Variants in NRG3 observed in about 807,000 individuals in gnomAD.
NRG3 encodes the protein neuregulin 3.
In NRG3, 31 loss-of-function variants were observed where a neutral mutation model predicts 66.9. That is an observed-to-expected ratio of 0.46 (90% CI 0.35 to 0.63). The LOEUF is 0.63. Ranked by LOEUF, NRG3 falls within the 20% of genes least tolerant of loss-of-function variation. NRG3 has a pLI of 0.00. For synonymous variants in NRG3, 393 were observed against 359.4 expected (o/e 1.09, Z -1.06); for missense variants, 910 against 878.9 (o/e 1.04, Z -0.45).
At chr10:82,027,468 G>A (rs1048367292) in intron 1 of NRG3, among the ~76,000 whole-genome samples, 4 of 151,976 alleles carry the variant, frequency 2.6e-5, no homozygotes, top group Non-Finnish European at 5.9e-5. Flanking sequence ...TGAATTTAAG[G>A]CTTATTAACT....
At chr10:82,383,055 A>G (rs939763886) in intron 2 of NRG3, among the ~76,000 whole-genome samples, 2 of 151,966 alleles carry the variant, frequency 1.3e-5, no homozygotes, top group Admixed American at 1.3e-4. Context: ...TACCTTCAAA[A>G]AGGCCTTCAT....
intron 1 of NRG3, among the ~76,000 whole-genome samples, chr10:81,996,178 A>C (rs554007146): frequency 3.3e-5 from 5 of 152,334 alleles, no homozygotes; most frequent in Admixed American, 3.3e-4. Flanking sequence ...TCTCATGGCC[A>C]TTAGGAACAG....
At chr10:82,380,054 C>A (rs1231534358) in intron 2 of NRG3, among the ~76,000 whole-genome samples, 1 of 151,998 alleles carries the variant, frequency 6.6e-6, no homozygotes, top group Non-Finnish European at 1.5e-5. Flanking sequence ...ATTCCTCAAT[C>A]CTCCTCACCA....
intron 1 of NRG3, among the ~76,000 whole-genome samples, chr10:82,293,220 G>A (rs1371305859): frequency 6.6e-6 from 1 of 152,048 alleles, no homozygotes; most frequent in Non-Finnish European, 1.5e-5. Flanking sequence ...TTTTTGTTAA[G>A]TCAAGAAGAT....
At chr10:82,315,439 C>A (rs1219910119) in intron 1 of NRG3, among the ~76,000 whole-genome samples, 2 of 152,118 alleles carry the variant, frequency 1.3e-5, no homozygotes, top group East Asian at 3.9e-4. Flanking sequence ...CAAAGGCCAG[C>A]TGTGTCTAGC....
intron 3 of NRG3, among the ~76,000 whole-genome samples, chr10:82,749,012 A>T (rs1283099872): frequency 6.6e-6 from 1 of 152,078 alleles, no homozygotes; most frequent in Non-Finnish European, 1.5e-5. Context: ...ATTATTTTTG[A>T]TGCAACTTTT....
At chr10:82,079,072 T>C (rs1486053363) in intron 1 of NRG3, among the ~76,000 whole-genome samples, 1 of 152,118 alleles carries the variant, frequency 6.6e-6, no homozygotes, top group Non-Finnish European at 1.5e-5. Context: ...TTTTATTTTT[T>C]ATTTTTTTTT....
intron 1 of NRG3, among the ~76,000 whole-genome samples, chr10:82,318,560 T>C (rs960048410): frequency 6.6e-6 from 1 of 152,214 alleles, no homozygotes; most frequent in African/African-American, 2.4e-5. Flanking sequence ...GTCTATATTC[T>C]GGCCATAGTG....
chr10:82,097,618 T>A (rs1048933011), intron 1 of NRG3, among the ~76,000 whole-genome samples: 2 of 151,830 alleles, frequency 1.3e-5, no homozygotes, highest in African/African-American at 4.8e-5. Context: ...TGATTTATCT[T>A]AGGTAAAGAC....
chr10:82,539,721 C>A (rs2043404027), intron 2 of NRG3, among the ~76,000 whole-genome samples: 1 of 152,048 alleles, frequency 6.6e-6, no homozygotes, highest in Admixed American at 6.6e-5. Context: ...GCAACCTCCA[C>A]CTCCTGGGTT....
At chr10:82,867,517 G>A (rs925008692) in intron 4 of NRG3, among the ~76,000 whole-genome samples, 1 of 152,144 alleles carries the variant, frequency 6.6e-6, no homozygotes, top group Admixed American at 6.6e-5. Context: ...AAAGGAACAG[G>A]ATTTTTCATA....
At chr10:82,101,788 TG>T (rs66466659) in intron 1 of NRG3, among the ~76,000 whole-genome samples, 61,345 of 150,890 alleles carry the variant, frequency 0.41, 13,942 homozygotes, top group Non-Finnish European at 0.53. Flanking sequence ...TACTTGAAAA[TG>T]TCTATTACTG....
chr10:82,070,124 A>G (rs1265948068), intron 1 of NRG3, among the ~76,000 whole-genome samples: 1 of 152,208 alleles, frequency 6.6e-6, no homozygotes, highest in Non-Finnish European at 1.5e-5. Context: ...TCTGAAGTCC[A>G]ACTTAAAACA....
At chr10:82,024,955 G>T (rs528786671) in intron 1 of NRG3, among the ~76,000 whole-genome samples, 1 of 152,120 alleles carries the variant, frequency 6.6e-6, no homozygotes, top group East Asian at 1.9e-4. Context: ...TCAGCCTGAG[G>T]CTGGAGCACA....
intron 1 of NRG3, among the ~76,000 whole-genome samples, chr10:82,156,436 A>T (rs2071191651): frequency 6.6e-6 from 1 of 151,572 alleles, no homozygotes; most frequent in African/African-American, 2.4e-5. Context: ...AGGTATTGTG[A>T]GCCTTTTGTG....
intron 3 of NRG3, among the ~76,000 whole-genome samples, chr10:82,759,939 A>G (rs2820110): frequency 0.8 from 122,194 of 152,012 alleles, 49,241 homozygotes; most frequent in Admixed American, 0.85. Flanking sequence ...TGGGTTCTGC[A>G]TGCGTGAGTT....
intron 2 of NRG3, among the ~76,000 whole-genome samples, chr10:82,580,239 A>T (rs1025539836): frequency 1.1e-4 from 17 of 152,028 alleles, no homozygotes; most frequent in Non-Finnish European, 4.4e-5. Flanking sequence ...CATGCTAAAT[A>T]TGTAAATATC....
chr10:82,016,368 T>C (rs1213936604), intron 1 of NRG3, among the ~76,000 whole-genome samples: 7 of 151,346 alleles, frequency 4.6e-5, no homozygotes, highest in Non-Finnish European at 1.0e-4. Flanking sequence ...TCCAAGGAGG[T>C]TGCAAACAGA....
At chr10:82,575,205 T>C (rs947278577) in intron 2 of NRG3, among the ~76,000 whole-genome samples, 3 of 151,270 alleles carry the variant, frequency 2.0e-5, no homozygotes, top group Admixed American at 1.3e-4. Flanking sequence ...CTGTTAAAAA[T>C]AGAAAACAAA....
Sources: allele counts gnomAD v4.1 joint callset (sites outside exome capture counted in the v4.1 genomes callset), GRCh38; gene constraint gnomAD v4.1.1; transcripts MANE v1.5; gene names NCBI Gene and HGNC (gene_info 2026-07-23, HGNC 2026-07-21).